The following CSMD1 variants were observed in gnomAD, a reference collection of about 807,000 sequenced individuals.
CSMD1 encodes CUB and sushi domain-containing protein 1.
Under a neutral mutation model 417.5 loss-of-function variants are expected in CSMD1, and 213 were observed. That is an observed-to-expected ratio of 0.51 (90% CI 0.46 to 0.57). The LOEUF (loss-of-function observed/expected upper bound fraction) is 0.57. Among genes scored for constraint, CSMD1 ranks in the 20% least tolerant of loss-of-function variants. CSMD1 has a pLI of 0.00. For missense variants in CSMD1, 6,923 were observed against 4,529.7 expected, an observed-to-expected ratio of 1.53 and a Z score of -15.17; for synonymous variants, 2,862 against 1,736.8, an observed-to-expected ratio of 1.65 and a Z score of -16.11.
At chr8:4,760,744 A>G in intron 1 of CSMD1, among the ~76,000 whole-genome samples, 1 of 152,170 alleles carries the variant, frequency 6.6e-6, no homozygotes, top group East Asian at 1.9e-4. Context: ...AGTTTGGGGA[A>G]AGTATTTTAT....
chr8:4,318,080 T>C (rs988991642), intron 3 of CSMD1, among the ~76,000 whole-genome samples: 1 of 152,178 alleles, frequency 6.6e-6, no homozygotes, highest in African/African-American at 2.4e-5. Flanking sequence ...GTGTGACATT[T>C]AGTTTAGCCT....
intron 1 of CSMD1, among the ~76,000 whole-genome samples, chr8:4,817,015 G>GGGCTCAGAC (rs1303402794): frequency 2.6e-5 from 4 of 152,292 alleles, no homozygotes; most frequent in Non-Finnish European, 4.4e-5. Context: ...AGGGCTCAGA[G>GGGCTCAGAC]GCTCCTGGCA....
intron 3 of CSMD1, among the ~76,000 whole-genome samples, chr8:4,155,899 GTGCGGGAA>G (rs1796808993): frequency 1.3e-5 from 2 of 152,164 alleles, no homozygotes; most frequent in South Asian, 4.1e-4. Flanking sequence ...TTCCCAGTAA[GTGCGGGAA>G]TGAGCTTTTG....
At chr8:4,351,777 T>A (rs1801109133) in intron 3 of CSMD1, among the ~76,000 whole-genome samples, 1 of 152,212 alleles carries the variant, frequency 6.6e-6, no homozygotes, top group South Asian at 2.1e-4. Flanking sequence ...AAATTGCCAC[T>A]TATTTTGTGC....
intron 1 of CSMD1, among the ~76,000 whole-genome samples, chr8:4,822,311 C>A (rs1157612465): frequency 6.6e-6 from 1 of 152,122 alleles, no homozygotes; most frequent in African/African-American, 2.4e-5. Flanking sequence ...TGAAGCCTTG[C>A]CCACTGCAGG....
intron 2 of CSMD1, among the ~76,000 whole-genome samples, chr8:4,574,088 C>T (rs927425879): frequency 6.6e-6 from 1 of 152,138 alleles, no homozygotes; most frequent in Non-Finnish European, 1.5e-5. Context: ...CTGAGCAAGA[C>T]CACTTGGCTC....
At chr8:4,031,188 C>G (rs2130570991) in intron 4 of CSMD1, among the ~76,000 whole-genome samples, 1 of 152,288 alleles carries the variant, frequency 6.6e-6, no homozygotes, top group Admixed American at 6.5e-5. Context: ...GGTATCTTTT[C>G]AGGAGTACCC....
At chr8:3,996,004 ACT>A (rs1815184597) in intron 5 of CSMD1, among the ~76,000 whole-genome samples, 1 of 152,106 alleles carries the variant, frequency 6.6e-6, no homozygotes, top group Non-Finnish European at 1.5e-5. Context: ...CTGTGCTGAT[ACT>A]CTCTATGACA....
At chr8:4,702,873 T>G (rs76882234) in intron 1 of CSMD1, among the ~76,000 whole-genome samples, 17,165 of 152,212 alleles carry the variant, frequency 0.11, 1,757 homozygotes, top group African/African-American at 0.27. Context: ...GAAAATTATT[T>G]AAAAGTCTCT....
chr8:4,928,886 T>C (rs1807052624), intron 1 of CSMD1, among the ~76,000 whole-genome samples: 1 of 152,048 alleles, frequency 6.6e-6, no homozygotes, highest in Non-Finnish European at 1.5e-5. Context: ...CCTGCCAACA[T>C]GGTGAAACCC....
At chr8:4,448,382 T>G (rs1033055911) in intron 2 of CSMD1, among the ~76,000 whole-genome samples, 1 of 152,170 alleles carries the variant, frequency 6.6e-6, no homozygotes. Flanking sequence ...ACACGCCAGT[T>G]GTCCAACTCC....
At chr8:4,311,332 C>G (rs780042269) in intron 3 of CSMD1, among the ~76,000 whole-genome samples, 20 of 152,126 alleles carry the variant, frequency 1.3e-4, no homozygotes, top group Non-Finnish European at 2.8e-4. Context: ...AAAAGGAATG[C>G]GATCAAGTCC....
rs571906271 is a variant in CSMD1, at chr8:3,521,476, G to C, written c.1345-27750C>G. On this transcript the variant is annotated intron_variant, in intron 10 of 69. Coordinates refer to ENST00000635120, the MANE Select transcript of CSMD1 (RefSeq NM_033225.6). Reference sequence around the variant, plus strand: ...CTTGAACTTCATGGCCCATAGCATTGTTCCTTGCTGTGGTCATGCCGGTCC... The same window carrying C: ...CTTGAACTTCATGGCCCATAGCATTCTTCCTTGCTGTGGTCATGCCGGTCC... Among the ~76,000 whole-genome samples, 61 of 152,206 alleles carry C rather than the reference G, an allele frequency of 4.0e-4. No homozygotes were observed. The South Asian group carries it at 5.8e-3, about 14-fold the overall frequency.
intron 1 of CSMD1, among the ~76,000 whole-genome samples, chr8:4,707,334 A>T (rs1808005813): frequency 6.6e-6 from 1 of 152,208 alleles, no homozygotes; most frequent in Admixed American, 6.5e-5. Context: ...TCAAGATCAC[A>T]AAGGAGAGCT....
chr8:3,183,692 G>C (rs978291678), intron 36 of CSMD1, among the ~76,000 whole-genome samples: 1 of 152,180 alleles, frequency 6.6e-6, no homozygotes, highest in African/African-American at 2.4e-5. Flanking sequence ...ACATCGAGTA[G>C]GTCTCTACTG....
At chr8:4,457,199 A>T (rs573038233) in intron 2 of CSMD1, among the ~76,000 whole-genome samples, 1 of 152,242 alleles carries the variant, frequency 6.6e-6, no homozygotes, top group East Asian at 1.9e-4. Flanking sequence ...CCTGTTAAAC[A>T]CATGTGGAGG....
intron 5 of CSMD1, among the ~76,000 whole-genome samples, chr8:3,828,548 T>C (rs1160244200): frequency 6.6e-6 from 1 of 152,170 alleles, no homozygotes; most frequent in East Asian, 1.9e-4. Context: ...CACCTTCTTG[T>C]GTCTTACAGA....
Position 3,915,713 on chromosome 8 carries a change from T to A in CSMD1, c.818+82190A>T, listed in dbSNP as rs189702033. 1.9e-4 allele frequency among the ~76,000 whole-genome samples: 29 copies of A among 151,230 alleles called. No homozygotes were observed. The East Asian group carries it at 5.6e-3, about 29-fold the overall frequency. ...TCTATCTCTGTTATAATTTATTGGT[T>A]GAATGTTAATTTAGCTAGCAGCTCA... On this transcript the variant is annotated intron_variant, in intron 5 of 69. Coordinates refer to ENST00000635120, the MANE Select transcript of CSMD1 (RefSeq NM_033225.6).
rs576661118 is a variant in CSMD1, at chr8:4,012,810, T to C, written c.611-14700A>G. Among the ~76,000 whole-genome samples the C allele has an allele frequency of 3.9e-5, 6 of 152,284 alleles. No homozygotes were observed. The South Asian group carries it at 1.0e-3, about 26-fold the overall frequency. On this transcript the variant is annotated intron_variant, in intron 4 of 69. Coordinates refer to ENST00000635120, the MANE Select transcript of CSMD1 (RefSeq NM_033225.6). ...CAGTCTTCTCCATCTCAATAAACGG[T>C]AACTCCATTCTTCCAGTGTTGCACG...
Sources: allele counts gnomAD v4.1 joint callset (sites outside exome capture counted in the v4.1 genomes callset), GRCh38; gene constraint gnomAD v4.1.1; transcripts MANE v1.5; gene names NCBI Gene and HGNC (gene_info 2026-07-23, HGNC 2026-07-21).